The following TBC1D1 variants were observed in gnomAD, a reference collection of about 807,000 sequenced individuals.
The protein encoded by TBC1D1 is TBC1 (tre-2/USP6, BUB2, cdc16) domain family, member 1.
TBC1D1 carries 89 observed loss-of-function variants against 125.6 expected under a neutral mutation model. The ratio of observed to expected loss-of-function variants is 0.71; its 90% CI spans 0.60 to 0.85. The LOEUF is 0.85. Among genes scored for constraint, TBC1D1 ranks in the 40% least tolerant of loss-of-function variants. TBC1D1 has a pLI of 0.00. For missense variants in TBC1D1, 1,377 were observed against 1,469.2 expected (o/e 0.94, Z 1.03); for synonymous variants, 565 against 564.1 (o/e 1.00, Z -0.02).
intron 2 of TBC1D1, among the ~76,000 whole-genome samples, chr4:38,011,514 TTAAC>T (rs1207520602): frequency 6.6e-5 from 10 of 152,366 alleles, no homozygotes; most frequent in Non-Finnish European, 1.5e-4. Flanking sequence ...ATTAGGCTTT[TTAAC>T]TATTTGCAAT....
intron 2 of TBC1D1, among the ~76,000 whole-genome samples, chr4:38,001,064 C>T (rs529831394): frequency 6.6e-6 from 1 of 152,020 alleles, no homozygotes; most frequent in Non-Finnish European, 1.5e-5. Flanking sequence ...ACTAAAAATA[C>T]AAAAAGTTAG....
intron 7 of TBC1D1, among the ~76,000 whole-genome samples, chr4:38,028,186 G>T (rs1345424700): frequency 6.6e-6 from 1 of 151,562 alleles, no homozygotes; most frequent in East Asian, 1.9e-4. Context: ...TTGTTTTTTT[G>T]ACAGAGTCTT....
intron 17 of TBC1D1, among the ~76,000 whole-genome samples, chr4:38,124,311 T>A (rs1349197556): frequency 1.3e-5 from 2 of 152,210 alleles, no homozygotes; most frequent in Non-Finnish European, 2.9e-5. Flanking sequence ...GCCCTCCCTC[T>A]TATTCTGCAG....
chr4:37,970,349 T>A (rs1731791769), intron 2 of TBC1D1, among the ~76,000 whole-genome samples: 2 of 152,256 alleles, frequency 1.3e-5, no homozygotes, highest in Admixed American at 1.3e-4. Context: ...GATGATTGCA[T>A]ATCATCAAAC....
intron 17 of TBC1D1, among the ~76,000 whole-genome samples, chr4:38,121,496 G>A (rs920943545): frequency 6.6e-6 from 1 of 152,214 alleles, no homozygotes; most frequent in Non-Finnish European, 1.5e-5. Context: ...AAAACGTCTT[G>A]CCTGTTTCTA....
At chr4:38,084,580 G>A (rs538309585) in intron 12 of TBC1D1, among the ~76,000 whole-genome samples, 1 of 152,312 alleles carries the variant, frequency 6.6e-6, no homozygotes, top group African/African-American at 2.4e-5. Flanking sequence ...GAAATTTTGA[G>A]CTGTTCGTAA....
intron 2 of TBC1D1, among the ~76,000 whole-genome samples, chr4:37,914,408 C>T (rs1719265535): frequency 3.3e-5 from 5 of 152,186 alleles, no homozygotes; most frequent in Admixed American, 6.5e-5. Context: ...GCCTAGGAGT[C>T]GTCTTCGATT....
chr4:37,956,819 G>A lies in TBC1D1; in HGVS notation c.417+54307G>A, dbSNP rs536488089. On this transcript the variant is annotated intron_variant, in intron 2 of 19. Coordinates refer to ENST00000261439, the MANE Select transcript of TBC1D1 (RefSeq NM_015173.4). ...CCAGGTGTGGTGGAGCACACCTGTA[G>A]TCCCAGTTACTTGGGAGGCTGAGGC... Among the ~76,000 whole-genome samples, 99 of 152,090 alleles carry A rather than the reference G, an allele frequency of 6.5e-4. 1 individual carries two copies. The highest frequency in any genetic ancestry group is 2.3e-3 in the African/African-American group (95 of 41,474).
At chr4:37,976,548 A>C (rs1305079679) in intron 2 of TBC1D1, among the ~76,000 whole-genome samples, 3 of 152,262 alleles carry the variant, frequency 2.0e-5, no homozygotes, top group Non-Finnish European at 1.5e-5. Context: ...GAAGGAAAAG[A>C]GAAGCAGAAT....
chr4:38,045,513 T>G (rs1749259803), intron 9 of TBC1D1, among the ~76,000 whole-genome samples: 2 of 151,918 alleles, frequency 1.3e-5, no homozygotes, highest in African/African-American at 4.8e-5. Context: ...GGGGAGGGAG[T>G]TAGTTGCTGA....
At chr4:38,049,962 G>A (rs1750192999) in intron 11 of TBC1D1, 64 bp downstream of exon 11, 1 of 1,510,010 alleles carries the variant, frequency 6.6e-7, no homozygotes, top group African/African-American at 1.4e-5. Context: ...CCAGGTATGT[G>A]CATCCCAGGT....
chr4:37,984,808 A>C (rs1157988615), intron 2 of TBC1D1, among the ~76,000 whole-genome samples: 1 of 151,414 alleles, frequency 6.6e-6, no homozygotes, highest in Non-Finnish European at 1.5e-5. Flanking sequence ...GTGCCACTGC[A>C]CTTAGCCTGG....
At chr4:37,998,869 A>G (rs986760273) in intron 2 of TBC1D1, among the ~76,000 whole-genome samples, 6 of 152,220 alleles carry the variant, frequency 3.9e-5, no homozygotes, top group Admixed American at 3.9e-4. Context: ...GGTGTCAGAA[A>G]TTTACGTTCC....
At chr4:37,902,636 A>C in intron 2 of TBC1D1, 124 bp downstream of exon 2, 2 of 785,770 alleles carry the variant, frequency 2.5e-6, no homozygotes, top group South Asian at 2.4e-5. Flanking sequence ...TTATAAATTG[A>C]TTACTTAGCT....
At chr4:37,916,916 A>G (rs1472925435) in intron 2 of TBC1D1, among the ~76,000 whole-genome samples, 1 of 152,014 alleles carries the variant, frequency 6.6e-6, no homozygotes, top group Non-Finnish European at 1.5e-5. Context: ...GATTAGAGGC[A>G]CATGCTACCA....
chr4:38,072,771 A>G (rs189293843), intron 12 of TBC1D1, among the ~76,000 whole-genome samples: 4 of 152,120 alleles, frequency 2.6e-5, no homozygotes, highest in Admixed American at 2.6e-4. Context: ...AACAACTCCT[A>G]TTCCCCCTCT....
At chr4:38,029,534 A>C (rs1745736381) in intron 7 of TBC1D1, among the ~76,000 whole-genome samples, 1 of 152,048 alleles carries the variant, frequency 6.6e-6, no homozygotes, top group Non-Finnish European at 1.5e-5. Flanking sequence ...CCACACTGCT[A>C]AGTTTTGTAT....
At chr4:37,938,122 T>G (rs1187385184) in intron 2 of TBC1D1, among the ~76,000 whole-genome samples, 3 of 152,274 alleles carry the variant, frequency 2.0e-5, no homozygotes, top group African/African-American at 4.8e-5. Flanking sequence ...GGTACACACC[T>G]ATAGTCCCAG....
At chr4:38,035,730 CA>C (rs746897478) in intron 8 of TBC1D1, 32 bp downstream of exon 8, 1 of 1,493,380 alleles carries the variant, frequency 6.7e-7, no homozygotes, top group East Asian at 2.3e-5. Flanking sequence ...TAATTGTTGC[CA>C]AGTCTCTGCC....
Sources: gnomAD v4.1 joint callset for allele counts (sites outside exome capture counted in the v4.1 genomes callset) on GRCh38, gnomAD v4.1.1 for gene constraint, MANE v1.5 for transcripts, NCBI Gene and HGNC (gene_info 2026-07-23, HGNC 2026-07-21) for gene names.